Variants in FSTL5 observed in about 807,000 individuals in gnomAD.
FSTL5 encodes follistatin like 5.
FSTL5 carries 62 observed loss-of-function variants against 89.1 expected under a neutral mutation model. The observed-to-expected ratio is 0.70, with a 90% confidence interval of 0.57 to 0.86. The LOEUF (loss-of-function observed/expected upper bound fraction) is 0.86. Among genes scored for constraint, FSTL5 ranks in the 40% least tolerant of loss-of-function variants. FSTL5 has a pLI of 0.00. For missense variants in FSTL5, 1,057 were observed against 1,001.6 expected (o/e 1.06, Z -0.75); for synonymous variants, 383 against 346.2 (o/e 1.11, Z -1.18).
intron 1 of FSTL5, among the ~76,000 whole-genome samples, chr4:162,143,511 A>G (rs1197910089): frequency 2.6e-5 from 4 of 152,172 alleles, no homozygotes; most frequent in African/African-American, 7.2e-5. Flanking sequence ...CTAATTGCAT[A>G]TAAAATTAGC....
At chr4:161,811,482 T>C (rs1330722440) in intron 4 of FSTL5, among the ~76,000 whole-genome samples, 1 of 152,154 alleles carries the variant, frequency 6.6e-6, no homozygotes, top group East Asian at 1.9e-4. Context: ...TAAATTTCCC[T>C]CACTAACCTT....
chr4:161,531,138 CA>C (rs1373209739), intron 10 of FSTL5, among the ~76,000 whole-genome samples: 5 of 152,094 alleles, frequency 3.3e-5, no homozygotes, highest in Non-Finnish European at 7.4e-5. Context: ...TTTTGAAGCA[CA>C]TATTTTTTGT....
intron 8 of FSTL5, among the ~76,000 whole-genome samples, chr4:161,545,899 CTT>C (rs1339127162): frequency 6.6e-6 from 1 of 151,802 alleles, no homozygotes; most frequent in Non-Finnish European, 1.5e-5. Flanking sequence ...AAAATACAAA[CTT>C]AACCAATAAA....
At position 161,642,062 on chromosome 4, in the gene FSTL5, T is replaced by A. The variant is rs192293895; in HGVS notation, c.894+14266A>T. On this transcript the variant is annotated intron_variant, in intron 7 of 15. Transcript: ENST00000306100. Reference sequence around the variant, plus strand: ...CAAAGACATAGTTAAAAATAAAAAATTTATACATTTAAGAGATGCAGCTTG... The same window carrying A: ...CAAAGACATAGTTAAAAATAAAAAAATTATACATTTAAGAGATGCAGCTTG... 7.4e-4 allele frequency among the ~76,000 whole-genome samples: 113 copies of A among 152,192 alleles called. 2 individuals are homozygous for A. In the South Asian group the frequency reaches 0.013, roughly 18 times the overall value.
chr4:161,881,096 G>T (rs1041954423), intron 4 of FSTL5, among the ~76,000 whole-genome samples: 6 of 151,168 alleles, frequency 4.0e-5, no homozygotes, highest in Non-Finnish European at 8.9e-5. Context: ...GTGATATTTT[G>T]ATTAACAAAA....
chr4:161,629,756 T>C (rs1255743927), intron 7 of FSTL5, among the ~76,000 whole-genome samples: 2 of 152,320 alleles, frequency 1.3e-5, no homozygotes, highest in East Asian at 1.9e-4. Flanking sequence ...CCAAAATTAT[T>C]ATCAGCCCCA....
chr4:161,709,798 ATAAAT>A (rs537901779), intron 6 of FSTL5, among the ~76,000 whole-genome samples: 40 of 152,320 alleles, frequency 2.6e-4, no homozygotes, highest in African/African-American at 9.1e-4. Flanking sequence ...GTTTAAAAAA[ATAAAT>A]TAAATAAAAA....
chr4:161,466,662 A>G (rs561269225), intron 13 of FSTL5, among the ~76,000 whole-genome samples: 456 of 152,302 alleles, frequency 3.0e-3, no homozygotes, highest in Non-Finnish European at 5.3e-3. Flanking sequence ...CTAATCTTTT[A>G]TACTACACAA....
At chr4:161,442,699 C>T (rs151147085) in intron 15 of FSTL5, among the ~76,000 whole-genome samples, 350 of 152,080 alleles carry the variant, frequency 2.3e-3, no homozygotes, top group Non-Finnish European at 3.7e-3. Context: ...AATACTATGA[C>T]GACAATTCAT....
At chr4:161,603,622 A>G (rs1734330801) in intron 7 of FSTL5, among the ~76,000 whole-genome samples, 1 of 152,176 alleles carries the variant, frequency 6.6e-6, no homozygotes, top group Non-Finnish European at 1.5e-5. Context: ...ATGCAGCTCA[A>G]GCTAAGATAA....
chr4:161,826,504 T>C (rs1730674107), intron 4 of FSTL5, among the ~76,000 whole-genome samples: 1 of 152,158 alleles, frequency 6.6e-6, no homozygotes, highest in African/African-American at 2.4e-5. Flanking sequence ...CCCACTAATA[T>C]TGTGTTGCCA....
At chr4:161,879,112 T>C (rs1732543348) in intron 4 of FSTL5, among the ~76,000 whole-genome samples, 1 of 152,210 alleles carries the variant, frequency 6.6e-6, no homozygotes, top group South Asian at 2.1e-4. Context: ...GGTGAATAGC[T>C]GGCCAGTTTC....
chr4:161,839,197 CA>C (rs547471966), intron 4 of FSTL5, among the ~76,000 whole-genome samples: 3 of 151,158 alleles, frequency 2.0e-5, no homozygotes, highest in African/African-American at 7.3e-5. Flanking sequence ...AAGCAAACAT[CA>C]AAAAAATAGA....
At chr4:161,914,397 G>T (rs192303734) in intron 4 of FSTL5, among the ~76,000 whole-genome samples, 23 of 152,190 alleles carry the variant, frequency 1.5e-4, no homozygotes, top group Non-Finnish European at 3.1e-4. Flanking sequence ...AAATTTGACA[G>T]AAATTAAATG....
chr4:161,392,754 T>C (rs996069249), intron 15 of FSTL5, among the ~76,000 whole-genome samples: 4 of 152,128 alleles, frequency 2.6e-5, no homozygotes, highest in Non-Finnish European at 5.9e-5. Context: ...GTGTGTTTTA[T>C]GCAGGAGTTG....
intron 2 of FSTL5, among the ~76,000 whole-genome samples, chr4:162,057,570 A>G (rs1335254317): frequency 6.6e-6 from 1 of 152,182 alleles, no homozygotes; most frequent in East Asian, 1.9e-4. Context: ...TGCACCTGTG[A>G]ATTTATTAAG....
At chr4:161,825,315 G>A (rs555979184) in intron 4 of FSTL5, among the ~76,000 whole-genome samples, 1 of 152,114 alleles carries the variant, frequency 6.6e-6, no homozygotes, top group African/African-American at 2.4e-5. Context: ...AAGGATTTTT[G>A]CATCTATATT....
At chr4:161,398,333 G>C (rs903602390) in intron 15 of FSTL5, among the ~76,000 whole-genome samples, 2 of 151,990 alleles carry the variant, frequency 1.3e-5, no homozygotes, top group Non-Finnish European at 2.9e-5. Context: ...AAAAATGATA[G>C]TGTATTAGTA....
At chr4:161,546,034 T>C (rs1374179552) in intron 8 of FSTL5, among the ~76,000 whole-genome samples, 1 of 151,702 alleles carries the variant, frequency 6.6e-6, no homozygotes, top group Non-Finnish European at 1.5e-5. Flanking sequence ...CTATAAAACA[T>C]AATGTTGTAA....
Sources: allele counts gnomAD v4.1 joint callset (sites outside exome capture counted in the v4.1 genomes callset), GRCh38; gene constraint gnomAD v4.1.1; transcripts MANE v1.5; gene names NCBI Gene and HGNC (gene_info 2026-07-23, HGNC 2026-07-21).